The following DYM variants were observed in gnomAD, a reference collection of about 807,000 sequenced individuals.
The protein encoded by DYM is dymeclin.
In DYM, 78 loss-of-function variants were observed where a neutral mutation model predicts 93.1. The ratio of observed to expected loss-of-function variants is 0.84; its 90% confidence interval spans 0.70 to 1.01. The LOEUF is 1.01. Ranked by LOEUF, DYM falls within the 50% of genes least tolerant of loss-of-function variation. The pLI, the probability that DYM is intolerant of heterozygous loss-of-function variation, is 0.00. For missense variants in DYM, 789 were observed against 845.0 expected, an observed-to-expected ratio of 0.93 and a Z score of 0.82; for synonymous variants, 321 against 319.7, an observed-to-expected ratio of 1.00 and a Z score of -0.04.
chr18:49,430,517 A>C, intron 1 of DYM, 70 bp from the exon 2 acceptor site: 1 of 1,153,314 alleles, frequency 8.7e-7, no homozygotes, highest in Non-Finnish European at 1.2e-6. Flanking sequence ...CTATAAAAAA[A>C]CTATAAACTT....
chr18:49,135,437 G>A (rs542316968), intron 15 of DYM, among the ~76,000 whole-genome samples: 9 of 152,286 alleles, frequency 5.9e-5, no homozygotes, highest in East Asian at 5.8e-4. Flanking sequence ...GACCGTGGGC[G>A]AGGGTCTGAA....
At chr18:49,158,178 G>A (rs2086658194) in intron 15 of DYM, among the ~76,000 whole-genome samples, 1 of 152,118 alleles carries the variant, frequency 6.6e-6, no homozygotes. Context: ...CTTCCTAAAA[G>A]TTTTTCTCTC....
At chr18:49,410,468 C>T (rs1190959278) in intron 2 of DYM, among the ~76,000 whole-genome samples, 1 of 151,460 alleles carries the variant, frequency 6.6e-6, no homozygotes, top group African/African-American at 2.4e-5. Context: ...AATATATACT[C>T]TTAGAAGAAA....
chr18:49,067,357 T>G (rs1195833207), intron 17 of DYM, among the ~76,000 whole-genome samples: 10 of 112,006 alleles, frequency 8.9e-5, no homozygotes, highest in Admixed American at 2.1e-4. Flanking sequence ...GGGGAAGGAG[T>G]GGGGTGATGT....
At chr18:49,268,628 T>C (rs1310961876) in intron 11 of DYM, among the ~76,000 whole-genome samples, 1 of 152,190 alleles carries the variant, frequency 6.6e-6, no homozygotes, top group Non-Finnish European at 1.5e-5. Flanking sequence ...GTGGTTACAG[T>C]TACTTTTTCT....
chr18:49,128,861 AAAGTT>A (rs1299832996), intron 15 of DYM, among the ~76,000 whole-genome samples: 3 of 152,156 alleles, frequency 2.0e-5, no homozygotes, highest in African/African-American at 7.2e-5. Flanking sequence ...AAAAATGCAC[AAAGTT>A]AAGTTTCAAA....
intron 17 of DYM, among the ~76,000 whole-genome samples, chr18:49,045,641 CAGCAG>C (rs2071385628): frequency 6.6e-6 from 1 of 152,150 alleles, no homozygotes; most frequent in African/African-American, 2.4e-5. Flanking sequence ...GAGACAGAAA[CAGCAG>C]CAGCAGCAAC....
chr18:49,262,915 T>C (rs1360114535), intron 11 of DYM, among the ~76,000 whole-genome samples: 2 of 152,202 alleles, frequency 1.3e-5, no homozygotes, highest in Non-Finnish European at 2.9e-5. Context: ...AAAACAATGT[T>C]ACAATTCAGA....
chr18:49,207,266 C>T (rs918906793), intron 14 of DYM, among the ~76,000 whole-genome samples: 3 of 152,008 alleles, frequency 2.0e-5, no homozygotes, highest in Admixed American at 6.6e-5. Context: ...ATATGCTATA[C>T]GATGTATAAC....
chr18:49,321,443 G>A (rs1344808180), intron 8 of DYM: 8 of 397,604 alleles, frequency 2.0e-5, no homozygotes, highest in Non-Finnish European at 3.5e-5. Flanking sequence ...CTGGGAACTG[G>A]TTTAAAAGTG....
chr18:49,074,306 A>G (rs895427008), intron 17 of DYM, among the ~76,000 whole-genome samples: 2 of 152,226 alleles, frequency 1.3e-5, no homozygotes, highest in African/African-American at 4.8e-5. Context: ...TGGCATTTAC[A>G]TTATATTAGG....
chr18:49,304,493 G>T (rs1041170683), intron 8 of DYM, among the ~76,000 whole-genome samples: 1 of 152,082 alleles, frequency 6.6e-6, no homozygotes, highest in Non-Finnish European at 1.5e-5. Context: ...CTTCTATATT[G>T]TCAACCTCAG....
chr18:49,096,775 C>T (rs942597680), intron 17 of DYM, among the ~76,000 whole-genome samples: 5 of 152,276 alleles, frequency 3.3e-5, no homozygotes, highest in Admixed American at 1.3e-4. Flanking sequence ...ACCTTCTCCA[C>T]GAAGTGCATC....
intron 11 of DYM, among the ~76,000 whole-genome samples, chr18:49,266,801 A>C (rs2094577138): frequency 6.6e-6 from 1 of 152,214 alleles, no homozygotes; most frequent in African/African-American, 2.4e-5. Context: ...ATTCTTAAAA[A>C]TAATTACTGT....
intron 10 of DYM, among the ~76,000 whole-genome samples, chr18:49,278,217 A>G (rs1051927195): frequency 6.6e-6 from 1 of 152,232 alleles, no homozygotes; most frequent in Non-Finnish European, 1.5e-5. Context: ...CATAGACTGC[A>G]TATCACTGTA....
At chr18:49,133,434 C>T (rs1013987720) in intron 15 of DYM, among the ~76,000 whole-genome samples, 3 of 152,208 alleles carry the variant, frequency 2.0e-5, no homozygotes, top group Non-Finnish European at 4.4e-5. Flanking sequence ...CACAGTTCTG[C>T]AGACATTCAG....
At chr18:49,371,991 T>C (rs1215092395) in intron 5 of DYM, among the ~76,000 whole-genome samples, 2 of 152,122 alleles carry the variant, frequency 1.3e-5, no homozygotes, top group Admixed American at 1.3e-4. Context: ...TGGATTGGAA[T>C]AAAGAAAAAA....
chr18:49,186,869 T>A (rs913308004), intron 14 of DYM, among the ~76,000 whole-genome samples: 9 of 151,650 alleles, frequency 5.9e-5, no homozygotes, highest in Admixed American at 3.9e-4. Context: ...CAGTTGTGAA[T>A]ATCCGATTGT....
At chr18:49,151,290 G>C (rs573415299) in intron 15 of DYM, among the ~76,000 whole-genome samples, 1 of 152,242 alleles carries the variant, frequency 6.6e-6, no homozygotes, top group South Asian at 2.1e-4. Context: ...TTCTTCTCAT[G>C]AATTTGTCAG....
Sources: allele counts gnomAD v4.1 joint callset (sites outside exome capture counted in the v4.1 genomes callset), GRCh38; gene constraint gnomAD v4.1.1; transcripts MANE v1.5; gene names NCBI Gene and HGNC (gene_info 2026-07-23, HGNC 2026-07-21).